TRAPPC9: variants seen among roughly 807,000 people sequenced by gnomAD.
The protein encoded by TRAPPC9 is IKK2 binding protein.
A neutral mutation model predicts 124.0 loss-of-function variants in TRAPPC9; 83 were observed. The ratio of observed to expected loss-of-function variants is 0.67; its 90% CI spans 0.56 to 0.80. The LOEUF (loss-of-function observed/expected upper bound fraction) is 0.80, where lower values mean the gene tolerates loss of function less well. TRAPPC9 is among the 30% of genes least tolerant of loss of function. The pLI, the probability that TRAPPC9 is intolerant of heterozygous loss-of-function variation, is 0.00. For missense variants in TRAPPC9, 1,302 were observed against 1,508.3 expected, an observed-to-expected ratio of 0.86 and a Z score of 2.27; for synonymous variants, 638 against 617.5, an observed-to-expected ratio of 1.03 and a Z score of -0.49.
At chr8:140,039,230 C>G (rs969796945) in intron 17 of TRAPPC9, among the ~76,000 whole-genome samples, 2 of 152,198 alleles carry the variant, frequency 1.3e-5, no homozygotes, top group Admixed American at 1.3e-4. Flanking sequence ...CCCTATTAAC[C>G]AGGACTATAA....
At chr8:140,067,143 GTTTGTTTTGT>G (rs770044839) in intron 17 of TRAPPC9, among the ~76,000 whole-genome samples, 1 of 152,032 alleles carries the variant, frequency 6.6e-6, no homozygotes, top group African/African-American at 2.4e-5. Context: ...ATCTTCTAAG[GTTTGTTTTGT>G]TTTGTTTTGA....
intron 19 of TRAPPC9, among the ~76,000 whole-genome samples, chr8:139,980,414 C>T (rs572622045): frequency 8.7e-4 from 132 of 152,268 alleles, no homozygotes; most frequent in Non-Finnish European, 1.7e-3. Context: ...GAAATTGGGT[C>T]CGGTCACCTC....
chr8:140,386,579 G>A (rs1002655046), intron 7 of TRAPPC9, among the ~76,000 whole-genome samples: 1 of 152,080 alleles, frequency 6.6e-6, no homozygotes, highest in South Asian at 2.1e-4. Flanking sequence ...GCTTCAAAGA[G>A]AATAAAATAC....
At chr8:139,792,029 T>C (rs1354604834) in intron 21 of TRAPPC9, among the ~76,000 whole-genome samples, 1 of 152,158 alleles carries the variant, frequency 6.6e-6, no homozygotes, top group East Asian at 1.9e-4. Context: ...CCTCCCTGAT[T>C]TCCCCCAAAT....
chr8:140,360,111 G>A lies in TRAPPC9; in HGVS notation c.1434C>T (p.Ala478=), dbSNP rs551910305. 5.0e-6 allele frequency: 8 copies of A among 1,614,216 alleles called. No individual in the cohort carries two copies. The African/African-American group carries it at 1.1e-4, about 22-fold the overall frequency. ...GGAAGGACAGGTGTCTGACAGAGAG[G>A]GCAGGGTTCCCCATCCTTCGGGAGG... The part of the protein sequence containing the change: ...VYASRRMGNP[A]LSVRHLSFLL... Residue 478 remains alanine, a synonymous_variant, in exon 9 of 23, where the codon GCC becomes GCT. Transcript: ENST00000438773.
At chr8:139,988,080 T>G (rs191571268) in intron 19 of TRAPPC9, among the ~76,000 whole-genome samples, 80 of 151,414 alleles carry the variant, frequency 5.3e-4, no homozygotes, top group Non-Finnish European at 2.9e-4. Flanking sequence ...CCCAGACTGA[T>G]GCCAAATATT....
intron 17 of TRAPPC9, chr8:140,040,940 C>T (rs1841236933): frequency 6.6e-6 from 1 of 152,208 alleles, no homozygotes; most frequent in South Asian, 2.1e-4. Flanking sequence ...AAGGTGGAAA[C>T]ATTCAACAGA....
chr8:140,081,920 C>G (rs1843849142), intron 17 of TRAPPC9: 1 of 152,480 alleles, frequency 6.6e-6, no homozygotes, highest in East Asian at 1.9e-4. Context: ...TTAACTAGCA[C>G]TCACTGCAGT....
chr8:139,755,836 G>A (rs1819715989), intron 21 of TRAPPC9, among the ~76,000 whole-genome samples: 2 of 140,814 alleles, frequency 1.4e-5, no homozygotes, highest in African/African-American at 5.5e-5. Flanking sequence ...GGTCGCAGGA[G>A]GAGCCAGGGT....
chr8:139,756,671 G>A (rs1389164641), intron 21 of TRAPPC9, among the ~76,000 whole-genome samples: 1 of 136,744 alleles, frequency 7.3e-6, no homozygotes, highest in East Asian at 2.3e-4. Context: ...AGGGATTGGG[G>A]ATGAGGACAG....
chr8:140,168,174 C>T (rs892831092), intron 17 of TRAPPC9, among the ~76,000 whole-genome samples: 4 of 152,152 alleles, frequency 2.6e-5, no homozygotes, highest in African/African-American at 7.2e-5. Flanking sequence ...AGTGTGGCAA[C>T]TTTGTCATTT....
intron 7 of TRAPPC9, among the ~76,000 whole-genome samples, chr8:140,378,652 C>T (rs1391673099): frequency 1.3e-5 from 2 of 152,170 alleles, no homozygotes; most frequent in Non-Finnish European, 2.9e-5. Flanking sequence ...ATCAAGTTTC[C>T]TTATTTTCTT....
intron 21 of TRAPPC9, among the ~76,000 whole-genome samples, chr8:139,874,769 T>A (rs1829211621): frequency 6.6e-6 from 1 of 152,092 alleles, no homozygotes; most frequent in South Asian, 2.1e-4. Flanking sequence ...TGGGAGTCCA[T>A]CCTCAGGGCT....
chr8:140,102,304 A>AGGT (rs551328935), intron 17 of TRAPPC9, among the ~76,000 whole-genome samples: 78 of 152,336 alleles, frequency 5.1e-4, no homozygotes, highest in Middle Eastern at 6.8e-3. Flanking sequence ...CTGACTACCC[A>AGGT]GGTGGAAATG....
At chr8:140,370,000 C>CCAT (rs1313934783) in intron 8 of TRAPPC9, among the ~76,000 whole-genome samples, 1 of 151,922 alleles carries the variant, frequency 6.6e-6, no homozygotes, top group East Asian at 1.9e-4. Flanking sequence ...CCATTTTTGC[C>CCAT]CTGGTGGGAA....
chr8:140,036,970 A>G (rs1467680819), intron 17 of TRAPPC9, among the ~76,000 whole-genome samples: 1 of 151,942 alleles, frequency 6.6e-6, no homozygotes, highest in Non-Finnish European at 1.5e-5. Context: ...TACGTTAGGT[A>G]TTTCTCCTAA....
In TRAPPC9 at chr8:140,363,266, G is replaced by A. The variant is rs189396558; in HGVS notation, c.1352-3073C>T. Among the ~76,000 whole-genome samples the A allele has an allele frequency of 5.4e-4, 83 of 152,338 alleles. No homozygotes were observed. In the East Asian group the frequency reaches 0.015, roughly 28 times the overall value. ...ACTAAGCGGCCCCTTAAGCCGGCAA[G>A]TACACACAGCACACATCAGTGTTCC... On this transcript the variant is annotated intron_variant, in intron 8 of 22. Transcript: ENST00000438773.
At chr8:139,779,527 T>G (rs1336752067) in intron 21 of TRAPPC9, among the ~76,000 whole-genome samples, 1 of 152,174 alleles carries the variant, frequency 6.6e-6, no homozygotes, top group East Asian at 1.9e-4. Context: ...AATGTATGTA[T>G]AAATAAAACG....
rs527753182 is a variant in TRAPPC9, at chr8:139,993,408, T to C, written c.2700-4572A>G. Among the ~76,000 whole-genome samples, 11 of 152,334 alleles carry C rather than the reference T, an allele frequency of 7.2e-5. No individual in the cohort carries two copies. The East Asian group carries it at 1.9e-3, about 27-fold the overall frequency. ...TGGTAATATTTTTAAAGCGTCCCAG[T>C]ACCAAGAGTTGGTCAAGCTATAGAT... On this transcript the variant is annotated intron_variant, in intron 18 of 22. Coordinates refer to ENST00000438773, the MANE Select transcript of TRAPPC9 (RefSeq NM_001160372.4).
Sources: gnomAD v4.1 joint callset for allele counts (sites outside exome capture counted in the v4.1 genomes callset) on GRCh38, gnomAD v4.1.1 for gene constraint, MANE v1.5 for transcripts, NCBI Gene and HGNC (gene_info 2026-07-23, HGNC 2026-07-21) for gene names.